NTM: variants seen among roughly 807,000 people sequenced by gnomAD.
NTM encodes IgLON family member 2.
A neutral mutation model predicts 42.1 loss-of-function variants in NTM; 13 were observed. The observed-to-expected ratio is 0.31, with a 90% CI of 0.20 to 0.49. The LOEUF (loss-of-function observed/expected upper bound fraction) is 0.49, where lower values mean the gene tolerates loss of function less well. NTM is among the 20% of genes least tolerant of loss of function. The pLI is 0.99. For synonymous variants in NTM, 187 were observed against 179.2 expected, an observed-to-expected ratio of 1.04 and a Z score of -0.35; for missense variants, 373 against 452.8, an observed-to-expected ratio of 0.82 and a Z score of 1.60.
intron 1 of NTM, among the ~76,000 whole-genome samples, chr11:131,727,167 A>T (rs2079067414): frequency 6.8e-6 from 1 of 147,586 alleles, no homozygotes; most frequent in Non-Finnish European, 1.5e-5. Context: ...CCTTTGTGTA[A>T]GGAAAAGCAG....
intron 7 of NTM, 42 bp downstream of exon 7, chr11:132,314,745 T>C: frequency 1.3e-6 from 2 of 1,576,188 alleles, no homozygotes; most frequent in East Asian, 4.6e-5. Flanking sequence ...GGGGAGAGGG[T>C]GCAGAACGGG....
At chr11:131,817,581 G>A (rs767824663) in intron 1 of NTM, among the ~76,000 whole-genome samples, 11 of 152,156 alleles carry the variant, frequency 7.2e-5, no homozygotes, top group Admixed American at 5.2e-4. Context: ...TATTGGTGGC[G>A]GGGAGAGCCC....
intron 1 of NTM, among the ~76,000 whole-genome samples, chr11:131,751,219 A>G (rs2082460184): frequency 6.6e-6 from 1 of 152,142 alleles, no homozygotes; most frequent in African/African-American, 2.4e-5. Context: ...GCGGATCACA[A>G]GTTCAGGAGA....
At chr11:131,591,783 C>T (rs1443893396) in intron 1 of NTM, among the ~76,000 whole-genome samples, 2 of 152,212 alleles carry the variant, frequency 1.3e-5, no homozygotes, top group African/African-American at 4.8e-5. Context: ...CAGCAGCAGG[C>T]ACCAGCATGA....
At chr11:132,305,754 C>A (rs1483526053) in intron 4 of NTM, among the ~76,000 whole-genome samples, 1 of 152,184 alleles carries the variant, frequency 6.6e-6, no homozygotes, top group Non-Finnish European at 1.5e-5. Context: ...TAGTACCTTT[C>A]CCCTAAAGAT....
At chr11:131,706,791 C>T (rs1166220733) in intron 1 of NTM, among the ~76,000 whole-genome samples, 1 of 151,822 alleles carries the variant, frequency 6.6e-6, no homozygotes, top group Non-Finnish European at 1.5e-5. Flanking sequence ...AACAAACAAA[C>T]ATGAAAACAT....
chr11:131,691,104 G>T (rs1368108313), intron 1 of NTM, among the ~76,000 whole-genome samples: 1 of 152,158 alleles, frequency 6.6e-6, no homozygotes, highest in African/African-American at 2.4e-5. Flanking sequence ...CTCTGGAGCC[G>T]GGGAGCCCTG....
chr11:131,752,861 A>G (rs1246419847), intron 1 of NTM, among the ~76,000 whole-genome samples: 56 of 152,212 alleles, frequency 3.7e-4, no homozygotes, highest in Admixed American at 3.7e-3. Context: ...CACCAAAAGC[A>G]ATGGCAACAA....
chr11:131,914,897 A>G (rs1300860302), intron 2 of NTM, among the ~76,000 whole-genome samples: 2 of 152,232 alleles, frequency 1.3e-5, no homozygotes, highest in Non-Finnish European at 2.9e-5. Flanking sequence ...TAACACTTTA[A>G]TAACAGCCCT....
At chr11:132,275,752 A>ATATATACGTATATATATATGTG (rs1565363427) in intron 4 of NTM, among the ~76,000 whole-genome samples, 36 of 26,818 alleles carry the variant, frequency 1.3e-3, no homozygotes, top group South Asian at 5.2e-3. Context: ...ATATATGTGT[A>ATATATACGTATATATATATGTG]TATATATATA....
chr11:131,627,791 A>G (rs1238119006), intron 1 of NTM, among the ~76,000 whole-genome samples: 1 of 152,132 alleles, frequency 6.6e-6, no homozygotes, highest in Non-Finnish European at 1.5e-5. Context: ...TGATTGTACC[A>G]CTGCATTCCA....
At chr11:131,555,787 G>A (rs1408553558) in intron 1 of NTM, among the ~76,000 whole-genome samples, 4 of 152,076 alleles carry the variant, frequency 2.6e-5, no homozygotes, top group Admixed American at 6.5e-5. Context: ...ACCCCGTGGG[G>A]CACAGAACCG....
rs116576323 is a variant in NTM at position 132,304,142 on chromosome 11, G to C, written c.527-3547G>C. 5.2e-3 allele frequency among the ~76,000 whole-genome samples: 796 copies of C among 152,298 alleles called. 6 individuals are homozygous for C. The highest frequency in any genetic ancestry group is 0.018 in the African/African-American group (757 of 41,562). ...TTTGTGGAGGGCTTTGATAATAAGG[G>C]AGTAGAGTTTGTGTTTGATGTGACA... On this transcript the variant is annotated intron_variant, in intron 4 of 8. Transcript: ENST00000683400.
intron 1 of NTM, among the ~76,000 whole-genome samples, chr11:131,704,659 C>T (rs2135220237): frequency 6.6e-6 from 1 of 152,258 alleles, no homozygotes; most frequent in African/African-American, 2.4e-5. Context: ...TACAAACTTC[C>T]TGACAAAGCA....
At chr11:131,986,531 T>C (rs990865469) in intron 2 of NTM, among the ~76,000 whole-genome samples, 4 of 152,236 alleles carry the variant, frequency 2.6e-5, no homozygotes, top group African/African-American at 7.2e-5. Context: ...TCATGAAATA[T>C]GTGGGTCACA....
intron 6 of NTM, among the ~76,000 whole-genome samples, chr11:132,311,034 T>A (rs2095264376): frequency 6.6e-6 from 1 of 151,648 alleles, no homozygotes; most frequent in Non-Finnish European, 1.5e-5. Context: ...AGTCCTGAGG[T>A]GTATGTGGGG....
intron 1 of NTM, among the ~76,000 whole-genome samples, chr11:131,506,193 TC>T: frequency 6.6e-6 from 1 of 152,296 alleles, no homozygotes; most frequent in South Asian, 2.1e-4. Flanking sequence ...TTGTGATTAT[TC>T]CCGAGCCTAT....
intron 3 of NTM, among the ~76,000 whole-genome samples, chr11:132,192,991 A>C (rs1261299320): frequency 6.6e-6 from 1 of 151,672 alleles, no homozygotes; most frequent in Non-Finnish European, 1.5e-5. Flanking sequence ...CAGAACATCC[A>C]GATTCATAAA....
chr11:132,115,114 G>A (rs1363125760), intron 2 of NTM, among the ~76,000 whole-genome samples: 4 of 152,160 alleles, frequency 2.6e-5, no homozygotes, highest in South Asian at 4.1e-4. Context: ...ACTCATAAAA[G>A]CAGAGTAGAC....
Sources: allele counts gnomAD v4.1 joint callset (sites outside exome capture counted in the v4.1 genomes callset), GRCh38; gene constraint gnomAD v4.1.1; transcripts MANE v1.5; gene names NCBI Gene and HGNC (gene_info 2026-07-23, HGNC 2026-07-21).